OR52I2: variants seen among roughly 807,000 people sequenced by gnomAD.
The protein encoded by OR52I2 is olfactory receptor 52I2.
For synonymous variants in OR52I2, 147 were observed against 151.9 expected, an observed-to-expected ratio of 0.97 and a Z score of 0.24; for missense variants, 350 against 402.4, an observed-to-expected ratio of 0.87 and a Z score of 1.11.
chr11:4,585,812 T>C (rs980691601), intron 1 of OR52I2, among the ~76,000 whole-genome samples: 1 of 152,220 alleles, frequency 6.6e-6, no homozygotes, highest in African/African-American at 2.4e-5. Context: ...TTTAATCTCA[T>C]TTAAGTTATA....
exon 2 of OR52I2, chr11:4,587,844 C>T: frequency 6.2e-7 from 1 of 1,613,826 alleles, no homozygotes; most frequent in Non-Finnish European, 8.5e-7. Flanking sequence ...TCCTCTTTGA[C>T]CATTCCAACC....
intron 1 of OR52I2, among the ~76,000 whole-genome samples, chr11:4,584,754 T>C (rs1016522257): frequency 1.1e-4 from 17 of 152,204 alleles, no homozygotes; most frequent in Admixed American, 9.8e-4. Context: ...ATTAGAAGAA[T>C]CTTGCTGCGT....
intron 1 of OR52I2, among the ~76,000 whole-genome samples, chr11:4,583,918 G>A (rs1038647144): frequency 2.6e-5 from 4 of 152,256 alleles, no homozygotes; most frequent in Non-Finnish European, 5.9e-5. Context: ...ATGTCTTTTG[G>A]TTAGGATTAA....
chr11:4,588,813 T>C (rs1846329461), exon 2 of OR52I2: 1 of 152,248 alleles, frequency 6.6e-6, no homozygotes, highest in Non-Finnish European at 1.5e-5. Context: ...CTCTTGACTT[T>C]CTGGCTTACT....
At chr11:4,587,060 C>T in exon 2 of OR52I2, 6 of 1,614,140 alleles carry the variant, frequency 3.7e-6, no homozygotes, top group Non-Finnish European at 5.1e-6. Context: ...TGGATGGATT[C>T]CACTCGGCAT....
At chr11:4,586,531 G>C (rs932082598) in intron 1 of OR52I2, among the ~76,000 whole-genome samples, 1 of 152,108 alleles carries the variant, frequency 6.6e-6, no homozygotes, top group Admixed American at 6.5e-5. Flanking sequence ...ACACAATAAA[G>C]TCTAGGGAGA....
exon 2 of OR52I2, chr11:4,592,654 G>C (rs1198483043): frequency 6.6e-6 from 1 of 152,178 alleles, no homozygotes; most frequent in Non-Finnish European, 1.5e-5. Flanking sequence ...CCTAAGGAGA[G>C]AGTAACTAAA....
At chr11:4,587,575 G>A (rs1414927134) in exon 2 of OR52I2, 8 of 1,613,968 alleles carry the variant, frequency 5.0e-6, no homozygotes, top group Non-Finnish European at 5.1e-6. Context: ...TCTCAAGGCA[G>A]TATTTGGTCT....
At chr11:4,583,768 GA>G (rs1486100615) in intron 1 of OR52I2, among the ~76,000 whole-genome samples, 1 of 152,130 alleles carries the variant, frequency 6.6e-6, no homozygotes, top group Non-Finnish European at 1.5e-5. Context: ...CTTTTATACA[GA>G]CCACAGTTTG....
chr11:4,592,863 C>G (rs1846362165), exon 2 of OR52I2: 1 of 152,212 alleles, frequency 6.6e-6, no homozygotes, highest in South Asian at 2.1e-4. Context: ...TTTGTCTCAT[C>G]AAACGTGGCC....
At chr11:4,592,802 G>T (rs1846361572) in exon 2 of OR52I2, 2 of 152,208 alleles carry the variant, frequency 1.3e-5, no homozygotes, top group Admixed American at 1.3e-4. Context: ...AATAAACAGA[G>T]ATGAACAAGT....
rs1395741041 is a variant in OR52I2, at chr11:4,586,956, AG to A, written c.68del (p.Gly23AspfsTer13). On this transcript the variant is annotated frameshift_variant, in exon 2 of 2. Coordinates refer to ENST00000641896, the Ensembl canonical transcript of OR52I2. LOFTEE classifies it low-confidence loss of function (END_TRUNC). ...CCTCCTTCCTCCTTGTGGGTATCCC[AG>A]GACTGCAATCTTCACATCTTTGGCT... is the stretch of plus-strand genomic sequence containing the variant. 1 of 1,614,164 alleles carries A rather than the reference AG, an allele frequency of 6.2e-7. No homozygotes were observed. Among genetic ancestry groups the A allele is most frequent in the Non-Finnish European group, 8.5e-7 (1 of 1,179,988 alleles).
chr11:4,588,712 A>G (rs1227101853), exon 2 of OR52I2: 1 of 152,254 alleles, frequency 6.6e-6, no homozygotes, highest in Non-Finnish European at 1.5e-5. Flanking sequence ...AGAACTGAGG[A>G]AATGTGAACT....
At chr11:4,587,905 C>A in exon 2 of OR52I2, 14 of 1,522,916 alleles carry the variant, frequency 9.2e-6, no homozygotes, top group Non-Finnish European at 1.3e-5. Context: ...TCAAAGATGC[C>A]TTAGAGATCT....
chr11:4,586,512 C>A (rs546341799), intron 1 of OR52I2, among the ~76,000 whole-genome samples: 1 of 152,106 alleles, frequency 6.6e-6, no homozygotes, highest in Non-Finnish European at 1.5e-5. Context: ...GAGACATACA[C>A]CTTAATGCAC....
At chr11:4,587,592 A>C in exon 2 of OR52I2, 5 of 1,614,040 alleles carry the variant, frequency 3.1e-6, no homozygotes, top group Non-Finnish European at 4.2e-6. Context: ...GTCTCTCCTC[A>C]AAGACTGCTC....
At chr11:4,590,270 G>T (rs1202980861) in exon 2 of OR52I2, 4 of 152,184 alleles carry the variant, frequency 2.6e-5, no homozygotes, top group Admixed American at 6.5e-5. Flanking sequence ...TGTGTTAAAT[G>T]TTTTGGAGAT....
chr11:4,584,225 A>G (rs1445266234), intron 1 of OR52I2, among the ~76,000 whole-genome samples: 1 of 152,228 alleles, frequency 6.6e-6, no homozygotes, highest in African/African-American at 2.4e-5. Context: ...CTGAACACCT[A>G]AGACAGTTCT....
chr11:4,587,228 C>G (rs1225590437), exon 2 of OR52I2: 1 of 1,614,104 alleles, frequency 6.2e-7, no homozygotes, highest in South Asian at 1.1e-5. Context: ...TTAGCCACAG[C>G]TGTGGAGACG....
Sources: gnomAD v4.1 joint callset for allele counts (sites outside exome capture counted in the v4.1 genomes callset) on GRCh38, gnomAD v4.1.1 for gene constraint, MANE v1.5 for transcripts, NCBI Gene and HGNC (gene_info 2026-07-23, HGNC 2026-07-21) for gene names.